The following CSNK2A2 variants were observed in gnomAD, a reference collection of about 807,000 sequenced individuals.
CSNK2A2 encodes the protein casein kinase 2 alpha 2.
CSNK2A2 carries 8 observed loss-of-function variants against 54.0 expected under a neutral mutation model. The observed-to-expected ratio is 0.15, with a 90% CI of 0.09 to 0.27. CSNK2A2 has a LOEUF of 0.27. Ranked by LOEUF, CSNK2A2 falls within the 10% of genes least tolerant of loss-of-function variation. The probability of loss-of-function intolerance (pLI) is 1.00; values close to 1 mark genes in which losing one functional copy is unlikely to be tolerated. For missense variants in CSNK2A2, 242 were observed against 439.4 expected (o/e 0.55, Z 4.02); for synonymous variants, 141 against 153.9 (o/e 0.92, Z 0.62).
Position 58,197,490 on chromosome 16 carries a change from T to C in CSNK2A2, c.104+143A>G, listed in dbSNP as rs944617512. 2.0e-5 allele frequency: 9 copies of C among 459,472 alleles called. No homozygotes were observed. The Admixed American group carries it at 3.5e-4, about 18-fold the overall frequency. The allele number at this position is 459,472 out of a possible 1,614,324, so 28.5% of individuals were successfully genotyped here. ...GGGAGGGAAGAGGAAGACGAGGACA[T>C]GTGCGAGAGCGGGACCTCTGCCTCC... On this transcript the variant is annotated intron_variant, in intron 1 of 11. Coordinates refer to ENST00000262506, the MANE Select transcript of CSNK2A2 (RefSeq NM_001896.4). This position sits in a 1 kb window ranked among gnomAD's most constrained non-coding sequence, Gnocchi z 4.0.
At chr16:58,194,765 G>A (rs894483104) in intron 2 of CSNK2A2, among the ~76,000 whole-genome samples, 1 of 152,172 alleles carries the variant, frequency 6.6e-6, no homozygotes, top group African/African-American at 2.4e-5. Flanking sequence ...AAGATAACCT[G>A]CAGCAGCTTA....
intron 4 of CSNK2A2, among the ~76,000 whole-genome samples, chr16:58,180,219 A>C (rs1468435145): frequency 1.3e-5 from 2 of 151,922 alleles, no homozygotes; most frequent in East Asian, 3.8e-4. Flanking sequence ...AAAGAGAAAA[A>C]CAAACAAAAA....
chr16:58,171,603 G>T (rs974209954), intron 5 of CSNK2A2, among the ~76,000 whole-genome samples: 1 of 151,932 alleles, frequency 6.6e-6, no homozygotes, highest in African/African-American at 2.4e-5. Flanking sequence ...AGGAGACACT[G>T]AACAGAAGAA....
intron 7 of CSNK2A2, 110 bp downstream of exon 7, chr16:58,167,575 T>G: frequency 1.2e-6 from 1 of 822,420 alleles, no homozygotes; most frequent in Non-Finnish European, 1.9e-6. Flanking sequence ...CATTTTAGGG[T>G]GAAATAATGG....
rs1317383662 is a variant in CSNK2A2 at position 58,168,474 on chromosome 16, A to G, written c.513+136T>C. ...TACAAAGTAGAAATCAACAATGGAG[A>G]TGGGAGAAATCACAGTAACGAAAGT... On this transcript the variant is annotated intron_variant, in intron 6 of 11. Transcript: ENST00000262506. 7 of 622,702 alleles carry G rather than the reference A, an allele frequency of 1.1e-5. No individual in the cohort carries two copies. In the South Asian group the frequency reaches 1.4e-4, roughly 12 times the overall value. The allele number at this position is 622,702 out of a possible 1,614,324, so 38.6% of individuals were successfully genotyped here.
At chr16:58,182,225 T>G (rs1209851080) in intron 4 of CSNK2A2, among the ~76,000 whole-genome samples, 2 of 151,748 alleles carry the variant, frequency 1.3e-5, no homozygotes, top group Non-Finnish European at 2.9e-5. Flanking sequence ...ACAGAGCAGA[T>G]GTCACTTTAA....
intron 2 of CSNK2A2, among the ~76,000 whole-genome samples, chr16:58,187,428 C>T (rs1962219069): frequency 6.6e-6 from 1 of 152,088 alleles, no homozygotes; most frequent in African/African-American, 2.4e-5. Flanking sequence ...TCCAACAGAT[C>T]CCATTCCTGA....
chr16:58,166,066 G>A (rs1961553851), intron 9 of CSNK2A2, among the ~76,000 whole-genome samples: 1 of 152,154 alleles, frequency 6.6e-6, no homozygotes, highest in Non-Finnish European at 1.5e-5. Flanking sequence ...CTCAGAAACA[G>A]GGAGGTTCCA....
At chr16:58,172,514 A>G (rs1961771553) in intron 5 of CSNK2A2, among the ~76,000 whole-genome samples, 1 of 152,124 alleles carries the variant, frequency 6.6e-6, no homozygotes, top group Non-Finnish European at 1.5e-5. Context: ...TTTTCTTTTC[A>G]AAGAGAAAAT....
rs1346194794 is a variant in CSNK2A2, at chr16:58,174,454, A to C, written c.426T>G (p.Leu142=). 1.2e-6 allele frequency: 2 copies of C among 1,607,096 alleles called. No homozygotes were observed. The change falls in exon 5 of 12, where the codon CTT becomes CTG. Residue 142 remains leucine (L), a synonymous_variant. Transcript: ENST00000262506. ...FDIRFYMYEL[L]KALDYCHSKG... Reference sequence around the variant, plus strand: ...ATGGTTTATGAACACCACTTACTTTAAGTAGTTCATACATATAAAACCGGA... The same window carrying C: ...ATGGTTTATGAACACCACTTACTTTCAGTAGTTCATACATATAAAACCGGA...
chr16:58,167,036 C>T (rs543221214), intron 8 of CSNK2A2, among the ~76,000 whole-genome samples, 171 bp downstream of exon 8: 1 of 152,286 alleles, frequency 6.6e-6, no homozygotes, highest in South Asian at 2.1e-4. Flanking sequence ...TCTGCCTCTA[C>T]TTCTGCGGAC....
chr16:58,161,325 T>C (rs776648578), intron 11 of CSNK2A2: 1 of 152,224 alleles, frequency 6.6e-6, no homozygotes, highest in Non-Finnish European at 1.5e-5. Flanking sequence ...GAGATGATAG[T>C]ATAACACTAC....
At chr16:58,187,381 C>G (rs1962217477) in intron 2 of CSNK2A2, among the ~76,000 whole-genome samples, 1 of 152,152 alleles carries the variant, frequency 6.6e-6, no homozygotes. Context: ...TCCTTAATAT[C>G]TAGAATCTGA....
At chr16:58,172,329 T>C (rs1597114165) in intron 5 of CSNK2A2, among the ~76,000 whole-genome samples, 1 of 152,164 alleles carries the variant, frequency 6.6e-6, no homozygotes, top group East Asian at 1.9e-4. Flanking sequence ...TGTAGCAAGA[T>C]TCCAAAGTGC....
chr16:58,168,790 C>T (rs1280234591), intron 5 of CSNK2A2, 97 bp from the exon 6 acceptor site: 3 of 944,540 alleles, frequency 3.2e-6, no homozygotes, highest in Admixed American at 2.3e-5. Flanking sequence ...GACTTGAATA[C>T]AGTCCCCCAA....
intron 2 of CSNK2A2, 51 bp downstream of exon 2, chr16:58,196,682 C>T (rs778136155): frequency 1.7e-6 from 2 of 1,167,078 alleles, no homozygotes; most frequent in South Asian, 1.2e-5. Context: ...ACCTTACAAA[C>T]TTTTGCCCTG....
At chr16:58,186,899 G>C in intron 2 of CSNK2A2, 43 bp from the exon 3 acceptor site, 2 of 1,456,814 alleles carry the variant, frequency 1.4e-6, no homozygotes, top group Non-Finnish European at 1.9e-6. Flanking sequence ...TCCTTTTGAA[G>C]TTAATAAATA....
chr16:58,190,099 G>A (rs978170115), intron 2 of CSNK2A2, among the ~76,000 whole-genome samples: 3 of 152,054 alleles, frequency 2.0e-5, no homozygotes, highest in African/African-American at 7.2e-5. Flanking sequence ...TTTCCACAAC[G>A]ATCTCACAGT....
intron 5 of CSNK2A2, among the ~76,000 whole-genome samples, chr16:58,170,570 G>A (rs2142417906): frequency 6.6e-6 from 1 of 152,198 alleles, no homozygotes; most frequent in South Asian, 2.1e-4. Context: ...ATCTTCCAAA[G>A]TGGCTGCGTC....
Sources: gnomAD v4.1 joint callset for allele counts (sites outside exome capture counted in the v4.1 genomes callset) on GRCh38, gnomAD v4.1.1 for gene constraint, Gnocchi (gnomAD v3.1) non-coding constraint, MANE v1.5 for transcripts, NCBI Gene and HGNC (gene_info 2026-07-23, HGNC 2026-07-21) for gene names.